Variants in CNTNAP4 observed in about 807,000 individuals in gnomAD.
The protein encoded by CNTNAP4 is contactin-associated protein-like 4.
Under a neutral mutation model 148.4 loss-of-function variants are expected in CNTNAP4, and 98 were observed. The ratio of observed to expected loss-of-function variants is 0.66; its 90% confidence interval spans 0.56 to 0.78. The LOEUF (loss-of-function observed/expected upper bound fraction) is 0.78. Ranked by LOEUF, CNTNAP4 falls within the 30% of genes least tolerant of loss-of-function variation. The pLI, the probability that CNTNAP4 is intolerant of heterozygous loss-of-function variation, is 0.00. For missense variants in CNTNAP4, 1,935 were observed against 1,565.6 expected (o/e 1.24, Z -3.98); for synonymous variants, 730 against 565.1 (o/e 1.29, Z -4.14).
intron 2 of CNTNAP4, among the ~76,000 whole-genome samples, chr16:76,326,503 G>A (rs151279359): frequency 0.015 from 2,214 of 152,278 alleles, 29 homozygotes; most frequent in South Asian, 0.031. Flanking sequence ...GCACATGTAT[G>A]TTTATTGCGG....
rs761284234 is a variant in CNTNAP4, at chr16:76,494,942, A to C, written c.2113A>C (p.Thr705Pro). 5.0e-6 allele frequency: 8 copies of C among 1,613,454 alleles called. No individual in the cohort carries two copies. Among genetic ancestry groups the C allele is most frequent in the Non-Finnish European group, 6.8e-6 (8 of 1,179,598 alleles). ...GTPLSWWVGRTNETQTYWGGS... is the reference protein window; with the variant it reads ...GTPLSWWVGRPNETQTYWGGS... ...CCCTCTGAGTTGGTGGGTAGGAAGA[A>C]CCAATGAAACGCAAACCTACTGGGG... Residue 705 changes from threonine to proline, a missense_variant, in exon 14 of 24, where the codon ACC (threonine) becomes CCC (proline). By Grantham distance (38) the Thr-to-Pro change is conservative (BLOSUM62 -1). Transcript: ENST00000611870.
chr16:76,384,896 A>G (rs1323030010), intron 3 of CNTNAP4, among the ~76,000 whole-genome samples: 1 of 152,184 alleles, frequency 6.6e-6, no homozygotes, highest in Non-Finnish European at 1.5e-5. Context: ...GGGAAATCAT[A>G]TTTTTCAATA....
chr16:76,473,860 TGTTTTGTTTTG>T (rs1467048240), intron 10 of CNTNAP4, among the ~76,000 whole-genome samples: 3 of 5,412 alleles, frequency 5.5e-4, no homozygotes, highest in African/African-American at 6.8e-4. Flanking sequence ...TGTTTTGTTT[TGTTTTGTTTTG>T]TTTTTTAATC....
chr16:76,452,769 G>C lies in CNTNAP4; in HGVS notation c.1333G>C (p.Gly445Arg). ...PGKLPSDITAGVELNDGQWHS... is the reference protein window; with the variant it reads ...PGKLPSDITARVELNDGQWHS... ...AAAATTACCCAGTGACATCACAGCA[G>C]GTAATAAATGTATTCCCTGGGGCAA... The change falls in exon 8 of 24, where the codon GGT becomes CGT. Residue 445 changes from glycine (G) to arginine (R), a missense_variant and splice_region_variant. Gly to Arg is a moderately radical substitution (Grantham distance 125). Transcript: ENST00000611870. 6.4e-7 allele frequency: 1 copy of C among 1,559,954 alleles called. No homozygotes were observed. Among genetic ancestry groups the C allele is most frequent in the East Asian group, 2.3e-5 (1 of 44,052 alleles).
At chr16:76,528,458 G>T (rs1394308372) in intron 17 of CNTNAP4, among the ~76,000 whole-genome samples, 1 of 152,086 alleles carries the variant, frequency 6.6e-6, no homozygotes, top group African/African-American at 2.4e-5. Flanking sequence ...TAGAGACGCA[G>T]TCTCCCTATG....
intron 3 of CNTNAP4, among the ~76,000 whole-genome samples, chr16:76,421,937 C>T (rs561353825): frequency 2.0e-5 from 3 of 152,112 alleles, no homozygotes; most frequent in East Asian, 1.9e-4. Flanking sequence ...ATAACAGTGA[C>T]GTTTTAGAGC....
In CNTNAP4 at chr16:76,505,342, A is replaced by C. The variant is rs892932854; in HGVS notation, c.2365+6648A>C. Among the ~76,000 whole-genome samples the C allele has an allele frequency of 4.5e-5, 3 of 66,508 alleles. 1 individual carries two copies. Among genetic ancestry groups the C allele is most frequent in the African/African-American group, 9.1e-5 (3 of 32,818 alleles). The allele number at this position is 66,508 out of a possible 152,430, so 43.6% of individuals were successfully genotyped here. A position where few individuals can be genotyped will look rare whatever the true frequency, so the allele number is the denominator to read the frequency against. On this transcript the variant is annotated intron_variant, in intron 15 of 23. Transcript: ENST00000611870. Reference sequence around the variant, plus strand: ...ACGTGCAACAACATAGATGAATCTCAACTGCATTACTCTAAGTGAAAGAAG... The same window carrying C: ...ACGTGCAACAACATAGATGAATCTCCACTGCATTACTCTAAGTGAAAGAAG...
At chr16:76,365,229 T>A (rs1013282878) in intron 3 of CNTNAP4, among the ~76,000 whole-genome samples, 1 of 152,192 alleles carries the variant, frequency 6.6e-6, no homozygotes, top group Non-Finnish European at 1.5e-5. Flanking sequence ...GTTCCCTTGG[T>A]CTATATATCT....
At chr16:76,278,318 A>G (rs1323435303) in intron 1 of CNTNAP4, among the ~76,000 whole-genome samples, 1 of 152,222 alleles carries the variant, frequency 6.6e-6, no homozygotes, top group Non-Finnish European at 1.5e-5. Context: ...TGCTAAGAGA[A>G]TGAGACTTAG....
At chr16:76,367,520 C>T (rs1178615274) in intron 3 of CNTNAP4, among the ~76,000 whole-genome samples, 1 of 151,990 alleles carries the variant, frequency 6.6e-6, no homozygotes, top group East Asian at 1.9e-4. Flanking sequence ...ATAGCAATGC[C>T]CACATTTATT....
In CNTNAP4 at chr16:76,370,801, C is replaced by G. The variant is rs550611865; in HGVS notation, c.390+15290C>G. The stretch of plus-strand genomic sequence containing the variant: ...TCATTCCCTTTCAGTTTTGAAATTG[C>G]ATGCTTCCCTTTCAACCCATAAAGA... On this transcript the variant is annotated intron_variant, in intron 3 of 23. Transcript: ENST00000611870. Among the ~76,000 whole-genome samples the G allele has an allele frequency of 2.6e-5, 4 of 152,326 alleles. No individual in the cohort carries two copies. The South Asian group carries it at 6.2e-4, about 24-fold the overall frequency.
rs569224584 is a variant in CNTNAP4, at chr16:76,281,369, A to G, written c.85+3622A>G. On this transcript the variant is annotated intron_variant, in intron 1 of 23. Transcript: ENST00000611870. The stretch of plus-strand genomic sequence containing the variant: ...GCACGTACTTTGACTCACTTTTCTA[A>G]TAGCAATGGTGATTTATTTTCATCT... Among the ~76,000 whole-genome samples the G allele has an allele frequency of 4.6e-5, 7 of 152,230 alleles. No homozygotes were observed. The East Asian group carries it at 1.4e-3, about 29-fold the overall frequency.
At chr16:76,306,245 C>T (rs1567641212) in intron 1 of CNTNAP4, among the ~76,000 whole-genome samples, 2 of 152,180 alleles carry the variant, frequency 1.3e-5, no homozygotes, top group Non-Finnish European at 1.5e-5. Context: ...CTGCTTTCTA[C>T]AGTGGCTGAA....
intron 2 of CNTNAP4, among the ~76,000 whole-genome samples, chr16:76,317,140 G>A (rs1417398224): frequency 6.6e-6 from 1 of 151,640 alleles, no homozygotes; most frequent in Non-Finnish European, 1.5e-5. Flanking sequence ...ATGCATGCCT[G>A]TAGTCCCAGC....
At chr16:76,409,109 C>A (rs577654503) in intron 3 of CNTNAP4, among the ~76,000 whole-genome samples, 1 of 152,076 alleles carries the variant, frequency 6.6e-6, no homozygotes, top group East Asian at 1.9e-4. Context: ...GCACAATAGG[C>A]TTTACACTAC....
At chr16:76,544,314 A>G (rs2084608617) in intron 21 of CNTNAP4, among the ~76,000 whole-genome samples, 1 of 152,068 alleles carries the variant, frequency 6.6e-6, no homozygotes, top group Admixed American at 6.5e-5. Flanking sequence ...TAAAGGAAAT[A>G]TCTCCCCTCT....
At chr16:76,325,328 C>T (rs1409537347) in intron 2 of CNTNAP4, among the ~76,000 whole-genome samples, 6 of 151,996 alleles carry the variant, frequency 3.9e-5, no homozygotes, top group Admixed American at 3.9e-4. Context: ...TATTTATATA[C>T]TCTGTGTAGT....
At chr16:76,369,925 G>T (rs954743140) in intron 3 of CNTNAP4, among the ~76,000 whole-genome samples, 1 of 152,026 alleles carries the variant, frequency 6.6e-6, no homozygotes, top group African/African-American at 2.4e-5. Context: ...TCAATGGATT[G>T]GATTATATCT....
rs1158597400 is a variant in CNTNAP4 at position 76,498,615 on chromosome 16, T to C, written c.2286T>C (p.Thr762=). Residue 762 remains threonine, a synonymous_variant, in exon 15 of 24, where the codon ACT becomes ACC. Coordinates refer to ENST00000611870, the MANE Select transcript of CNTNAP4 (RefSeq NM_033401.5). ...CTTATAAAGAACATCTTCCAGTAACTAAGATCGTGATTACAGACACAGGCC... is the reference window on the plus strand; with the variant it reads ...CTTATAAAGAACATCTTCCAGTAACCAAGATCGTGATTACAGACACAGGCC... ...LLAYKEHLPV[T]KIVITDTGRL... 1.9e-6 allele frequency: 3 copies of C among 1,612,830 alleles called. No individual in the cohort carries two copies. Among genetic ancestry groups the C allele is most frequent in the Non-Finnish European group, 2.5e-6 (3 of 1,179,258 alleles).
Sources: gnomAD v4.1 joint callset for allele counts (sites outside exome capture counted in the v4.1 genomes callset) on GRCh38, gnomAD v4.1.1 for gene constraint, MANE v1.5 for transcripts, NCBI Gene and HGNC (gene_info 2026-07-23, HGNC 2026-07-21) for gene names.